The following DPP6 variants were observed in gnomAD, a reference collection of about 807,000 sequenced individuals.
DPP6 encodes dipeptidyl peptidase like 6, also known as A-type potassium channel modulatory protein DPP6.
DPP6 carries 69 observed loss-of-function variants against 122.6 expected under a neutral mutation model. That is an observed-to-expected ratio of 0.56 (90% CI 0.46 to 0.69). DPP6 has a LOEUF of 0.69. Ranked by LOEUF, DPP6 falls within the 30% of genes least tolerant of loss-of-function variation. The probability of loss-of-function intolerance (pLI) is 0.00; values close to 1 mark genes in which losing one functional copy is unlikely to be tolerated. For missense variants in DPP6, 928 were observed against 1,116.9 expected, an observed-to-expected ratio of 0.83 and a Z score of 2.41; for synonymous variants, 418 against 433.1, an observed-to-expected ratio of 0.97 and a Z score of 0.43.
intron 1 of DPP6, among the ~76,000 whole-genome samples, chr7:153,996,977 A>AT (rs1388250365): frequency 6.6e-6 from 1 of 152,088 alleles, no homozygotes; most frequent in Non-Finnish European, 1.5e-5. Flanking sequence ...TGACAAGGCA[A>AT]TTTTTTGGAA....
At chr7:154,820,996 G>A (rs531723789) in intron 16 of DPP6, among the ~76,000 whole-genome samples, 13 of 152,184 alleles carry the variant, frequency 8.5e-5, no homozygotes, top group Admixed American at 3.3e-4. Context: ...CCCATGAAAC[G>A]TGTTCTTCAT....
Position 153,988,551 on chromosome 7 carries a change from A to G in DPP6, c.51+100817A>G, listed in dbSNP as rs540818121. Among the ~76,000 whole-genome samples, 13 of 150,972 alleles carry G rather than the reference A, an allele frequency of 8.6e-5. 1 individual carries two copies. In the South Asian group the frequency reaches 2.5e-3, roughly 30 times the overall value. ...GGCCTCACCCACCCTTTTTTGAGGGAGAGAGGGGCCAGGAAGGAGGCCGTT... is the reference window on the plus strand; with the variant it reads ...GGCCTCACCCACCCTTTTTTGAGGGGGAGAGGGGCCAGGAAGGAGGCCGTT... On this transcript the variant is annotated intron_variant, in intron 1 of 25. Coordinates refer to the DPP6 transcript ENST00000404039.
chr7:153,875,125 A>G, the DPP6 span, among the ~76,000 whole-genome samples: 1 of 152,244 alleles, frequency 6.6e-6, no homozygotes, highest in Non-Finnish European at 1.5e-5. Context: ...AGTCAGAGAC[A>G]AAACATATGT....
intron 7 of DPP6, among the ~76,000 whole-genome samples, chr7:154,700,995 G>A (rs1471063178): frequency 6.6e-6 from 1 of 151,964 alleles, no homozygotes; most frequent in East Asian, 1.9e-4. Context: ...CTCCACCCTT[G>A]CCATCACCAT....
Position 154,801,400 on chromosome 7 carries a change from A to T in DPP6, c.1345A>T (p.Ile449Phe). Reference protein sequence around the residue: ...FSKDGRKFFFIRAIPQGGRGK... With the variant: ...FSKDGRKFFFFRAIPQGGRGK... ...CAAGGATGGCCGAAAGTTTTTCTTC[A>T]TCAGAGCCATCCCCCAGGGAGGACG... Residue 449 changes from isoleucine to phenylalanine, a missense_variant, in exon 13 of 26, where the codon ATC becomes TTC. Physicochemically the swap from Ile to Phe is conservative, Grantham distance 21. Transcript: ENST00000377770. The T allele has an allele frequency of 6.3e-7, 1 of 1,597,572 alleles. No individual in the cohort carries two copies. The highest frequency in any genetic ancestry group is 8.5e-7 in the Non-Finnish European group (1 of 1,171,398).
intron 1 of DPP6, among the ~76,000 whole-genome samples, chr7:153,938,603 G>A (rs542222307): frequency 6.6e-6 from 1 of 152,338 alleles, no homozygotes; most frequent in East Asian, 1.9e-4. Context: ...GCATGTGAGT[G>A]CTTTGCTGTA....
intron 2 of DPP6, among the ~76,000 whole-genome samples, chr7:154,473,233 C>A (rs941129142): frequency 6.6e-6 from 1 of 152,132 alleles, no homozygotes; most frequent in Non-Finnish European, 1.5e-5. Context: ...TTAAAATTCT[C>A]ATTTATTGTC....
chr7:154,691,751 G>A (rs1839943859), intron 7 of DPP6, among the ~76,000 whole-genome samples: 1 of 152,082 alleles, frequency 6.6e-6, no homozygotes, highest in Non-Finnish European at 1.5e-5. Context: ...CCCGGGAGGT[G>A]GAGGTGGCGG....
intron 1 of DPP6, among the ~76,000 whole-genome samples, chr7:154,053,425 C>G (rs1034348256): frequency 1.3e-5 from 2 of 151,818 alleles, no homozygotes; most frequent in African/African-American, 2.4e-5. Context: ...CCTGTGCTTA[C>G]GAGTTGGTTT....
chr7:154,317,272 G>A (rs983051968), intron 1 of DPP6, among the ~76,000 whole-genome samples: 5 of 152,072 alleles, frequency 3.3e-5, no homozygotes, highest in South Asian at 4.2e-4. Context: ...TGAGGCGGGC[G>A]GATCATGAGG....
intron 2 of DPP6, among the ~76,000 whole-genome samples, chr7:154,451,599 C>T (rs1440184935): frequency 1.3e-5 from 2 of 152,136 alleles, no homozygotes; most frequent in East Asian, 3.9e-4. Context: ...CTTTTGCAGC[C>T]AAGGCAACCA....
intron 6 of DPP6, among the ~76,000 whole-genome samples, chr7:154,653,106 T>C (rs1367064064): frequency 6.6e-6 from 1 of 152,210 alleles, no homozygotes; most frequent in East Asian, 1.9e-4. Flanking sequence ...TGTTCTGTAA[T>C]GGGATTTTAC....
the DPP6 span, among the ~76,000 whole-genome samples, chr7:153,871,907 A>G: frequency 6.6e-6 from 1 of 152,208 alleles, no homozygotes; most frequent in Non-Finnish European, 1.5e-5. Context: ...TTCATCAGGA[A>G]CAAGAATTTC....
At chr7:154,523,994 C>T (rs1827207987) in intron 3 of DPP6, among the ~76,000 whole-genome samples, 1 of 152,032 alleles carries the variant, frequency 6.6e-6, no homozygotes, top group Non-Finnish European at 1.5e-5. Flanking sequence ...GGCTACAAAG[C>T]GGTGATGTTC....
At chr7:154,781,626 G>A (rs564964265) in intron 10 of DPP6, among the ~76,000 whole-genome samples, 71 of 152,232 alleles carry the variant, frequency 4.7e-4, no homozygotes, top group Admixed American at 1.2e-3. Flanking sequence ...CTTTAGTAGA[G>A]CAGCGCTTGG....
chr7:154,098,658 C>T (rs1344713624), intron 1 of DPP6, among the ~76,000 whole-genome samples: 4 of 151,528 alleles, frequency 2.6e-5, no homozygotes, highest in Admixed American at 2.6e-4. Context: ...TGCCCCATCT[C>T]TTTATGTTAC....
rs66803093 is a variant in DPP6, at chr7:153,964,913, CCTTTCTTTCTTTCTTT to C, written c.51+77192_51+77207del. 2.9e-4 allele frequency among the ~76,000 whole-genome samples: 33 copies of C among 113,396 alleles called. No individual in the cohort carries two copies. In the East Asian group the frequency reaches 7.4e-3, roughly 25 times the overall value. The allele number at this position is 113,396 out of a possible 152,430, so 74.4% of individuals were successfully genotyped here. On this transcript the variant is annotated intron_variant, in intron 1 of 25. Transcript: ENST00000404039. ...CCCTTTCTTTCCCTTCTTTTCTTTT[CCTTTCTTTCTTTCTTT>C]CTTTCTTTCTTTTTCTTTCTTTCTC...
chr7:154,192,254 T>G (rs1798651281), intron 1 of DPP6, among the ~76,000 whole-genome samples: 3 of 152,248 alleles, frequency 2.0e-5, no homozygotes, highest in Admixed American at 1.3e-4. Context: ...TTGTACAACG[T>G]CTTGATAGCA....
At chr7:153,770,484 C>T in the DPP6 span, among the ~76,000 whole-genome samples, 84 of 152,032 alleles carry the variant, frequency 5.5e-4, no homozygotes, top group Non-Finnish European at 9.6e-4. Context: ...CCAAACCCAG[C>T]CCAAGACCTA....
Sources: allele counts gnomAD v4.1 joint callset (sites outside exome capture counted in the v4.1 genomes callset), GRCh38; gene constraint gnomAD v4.1.1; transcripts MANE v1.5; gene names NCBI Gene and HGNC (gene_info 2026-07-23, HGNC 2026-07-21).